The following AQP6 variants were observed in gnomAD, a reference collection of about 807,000 sequenced individuals.
The protein encoded by AQP6 is aquaporin 6.
Under a neutral mutation model 16.3 loss-of-function variants are expected in AQP6, and 14 were observed. The ratio of observed to expected loss-of-function variants is 0.86; its 90% confidence interval spans 0.57 to 1.34. The LOEUF (loss-of-function observed/expected upper bound fraction) is 1.34. AQP6 is among the 40% of genes most tolerant of loss of function. The pLI is 0.00. For synonymous variants in AQP6, 178 were observed against 166.8 expected (o/e 1.07, Z -0.52); for missense variants, 331 against 379.7 (o/e 0.87, Z 1.07).
chr12:49,974,662 G>A lies in AQP6; in HGVS notation c.562-84G>A. The A allele has an allele frequency of 3.3e-6, 5 of 1,537,924 alleles. No homozygotes were observed. The South Asian group carries it at 6.0e-5, about 18-fold the overall frequency. On this transcript the variant is annotated intron_variant, in intron 2 of 3. Transcript: ENST00000315520. ...CTACAGAGGCCGTGGCTGGGGCTAA[G>A]GCTCTGAGCCAGGACTGAGAAATGG...
At position 49,973,335 on chromosome 12, in the gene AQP6, C is replaced by G; in HGVS notation, c.162C>G (p.Ser54=). The G allele has an allele frequency of 6.2e-7, 1 of 1,613,644 alleles. No individual in the cohort carries two copies. The highest frequency in any genetic ancestry group is 8.5e-7 in the Non-Finnish European group (1 of 1,180,024). The change falls in exon 1 of 4, where the codon TCC becomes TCG. Residue 54 remains serine, a synonymous_variant. Coordinates refer to ENST00000315520, the MANE Select transcript of AQP6 (RefSeq NM_001652.4). ...TGCGCTGGCCCACAGCACTTCCCTC[C>G]GTGCTACAGATTGCCATCACCTTCA... is the stretch of plus-strand genomic sequence containing the variant. ...SVMRWPTALP[S]VLQIAITFNL... is the part of the protein sequence containing the mutation.
In AQP6 at chr12:49,973,068, C is replaced by A; in HGVS notation, c.-106C>A. The A allele has an allele frequency of 7.0e-7, 1 of 1,430,650 alleles. No individual in the cohort carries two copies. The highest frequency in any genetic ancestry group is 9.2e-7 in the Non-Finnish European group (1 of 1,088,128). 88.6% of individuals were successfully genotyped at this position (1,430,650 alleles called of 1,614,324 possible). A position where few individuals can be genotyped will look rare whatever the true frequency, so the allele number is the denominator to read the frequency against. On this transcript the variant is annotated 5_prime_UTR_variant, in exon 1 of 4. Coordinates refer to ENST00000315520, the MANE Select transcript of AQP6 (RefSeq NM_001652.4). ...GAGAAGCCTCCACAGAGAGCAAAAG[C>A]CAGGGTCAGCCAGAGACAGGACACC...
rs1260998687 is a variant in AQP6, at chr12:49,974,408, A to G, written c.487A>G (p.Thr163Ala). 6.2e-7 allele frequency: 1 copy of G among 1,613,672 alleles called. No homozygotes were observed. The highest frequency in any genetic ancestry group is 2.2e-5 in the East Asian group (1 of 44,852). ...GCTGGTGCTCTGTGTCTTCGCTTCC[A>G]CCGACAGCCGTCAGACATCAGGCTC... ...LQLVLCVFAS[T>A]DSRQTSGSPA... The change falls in exon 2 of 4, where the codon ACC becomes GCC. Residue 163 changes from threonine to alanine, a missense_variant. Coordinates refer to ENST00000315520, the MANE Select transcript of AQP6 (RefSeq NM_001652.4).
chr12:49,974,530 C>G (rs2137171712), intron 2 of AQP6, 48 bp downstream of exon 2: 2 of 1,547,206 alleles, frequency 1.3e-6, no homozygotes, highest in Non-Finnish European at 1.8e-6. Flanking sequence ...CGGGTCCGTC[C>G]CCGGGGAAAC....
chr12:49,973,350 CA>C lies in AQP6; in HGVS notation c.178del (p.Ile60SerfsTer26), dbSNP rs1565644263. The C allele has an allele frequency of 1.2e-6, 2 of 1,613,506 alleles. No homozygotes were observed. Among genetic ancestry groups the C allele is most frequent in the East Asian group, 4.5e-5 (2 of 44,902 alleles). On this transcript the variant is annotated frameshift_variant, in exon 1 of 4. Transcript: ENST00000315520. LOFTEE classifies it high-confidence loss of function. ...CACTTCCCTCCGTGCTACAGATTGC[CA>C]TCACCTTCAACCTGGTCACCGCCAT... The part of the protein sequence containing the change: ...TALPSVLQIA[I>X]TFNLVTAMAV...
Position 49,973,350 on chromosome 12 carries a change from C to T in AQP6, c.177C>T (p.Ala59=), listed in dbSNP as rs373926524. The change falls in exon 1 of 4, where the codon GCC becomes GCT. Residue 59 remains alanine, a synonymous_variant. Coordinates refer to ENST00000315520, the MANE Select transcript of AQP6 (RefSeq NM_001652.4). ...CACTTCCCTCCGTGCTACAGATTGC[C>T]ATCACCTTCAACCTGGTCACCGCCA... ...PTALPSVLQI[A]ITFNLVTAMA... is the part of the protein sequence containing the mutation. 1.5e-5 allele frequency: 24 copies of T among 1,613,504 alleles called. No individual in the cohort carries two copies. The African/African-American group carries it at 2.8e-4, about 19-fold the overall frequency.
In AQP6 at chr12:49,975,591, A is replaced by ACAGGGG. The variant is rs543718269; in HGVS notation, c.783_788dup (p.Gly262_Ala263dup). 615 of 1,609,764 alleles carry ACAGGGG rather than the reference A, an allele frequency of 3.8e-4. 6 individuals carry two copies. The East Asian group carries it at 0.011, about 28-fold the overall frequency. On this transcript the variant is annotated inframe_insertion, in exon 4 of 4. Transcript: ENST00000315520. This position sits in a 1 kb window ranked among gnomAD's most constrained non-coding sequence, Gnocchi z 4.4. Reference sequence around the variant, plus strand: ...CCTCACAGGCACCGTAGAGGTGGGGACAGGGGCAGGGGCAGGGGCGGAGCC... The same window carrying ACAGGGG: ...CCTCACAGGCACCGTAGAGGTGGGGACAGGGGCAGGGGCAGGGGCAGGGGCGGAGCC...
Position 49,975,416 on chromosome 12 carries a change from C to A in AQP6, c.643-49C>A. 6.5e-7 allele frequency: 1 copy of A among 1,540,956 alleles called. No homozygotes were observed. Reference sequence around the variant, plus strand: ...AGCAGGCAGCGGTCCCAGAGCCACCCTGTGGTCCTGATAGCTCCTGGGTGG... The same window carrying A: ...AGCAGGCAGCGGTCCCAGAGCCACCATGTGGTCCTGATAGCTCCTGGGTGG... On this transcript the variant is annotated intron_variant, in intron 3 of 3. Coordinates refer to ENST00000315520, the MANE Select transcript of AQP6 (RefSeq NM_001652.4). This position sits in a 1 kb window ranked among gnomAD's most constrained non-coding sequence, Gnocchi z 4.4.
chr12:49,973,963 C>A, intron 1 of AQP6: 1 of 1,157,720 alleles, frequency 8.6e-7, no homozygotes, highest in Non-Finnish European at 1.1e-6. Flanking sequence ...AAGTTCTTCC[C>A]TCCACCTCGA....
Position 49,975,180 on chromosome 12 carries a change from A to C in AQP6, c.643-285A>C. On this transcript the variant is annotated intron_variant, in intron 3 of 3. Transcript: ENST00000315520. The surrounding 1 kb of genome is among the most constrained non-coding windows in gnomAD (Gnocchi z 4.4). ...CAGGACTCCTGGCTAAAACGGGGGA[A>C]GTGAGAGGAAAGAGGCGGGGGCGGG... 1.4e-5 allele frequency: 17 copies of C among 1,253,042 alleles called. No homozygotes were observed. Among genetic ancestry groups the C allele is most frequent in the Admixed American group, 3.9e-5 (1 of 25,482 alleles). 77.6% of individuals were successfully genotyped at this position (1,253,042 alleles called of 1,614,324 possible).
rs201467517 is a variant in AQP6 at position 49,973,324 on chromosome 12, G to A, written c.151G>A (p.Ala51Thr). ...GVGSVMRWPT[A>T]LPSVLQIAIT... ...GGGCTCAGTCATGCGCTGGCCCACA[G>A]CACTTCCCTCCGTGCTACAGATTGC... The change falls in exon 1 of 4, where the codon GCA becomes ACA. Residue 51 changes from alanine (A) to threonine (T), a missense_variant. Ala to Thr is a moderately conservative substitution (Grantham distance 58). Coordinates refer to ENST00000315520, the MANE Select transcript of AQP6 (RefSeq NM_001652.4). 1.5e-5 allele frequency: 25 copies of A among 1,613,644 alleles called. No individual in the cohort carries two copies. The highest frequency in any genetic ancestry group is 2.0e-5 in the Non-Finnish European group (24 of 1,180,040).
rs575025578 is a variant in AQP6 at position 49,977,040 on chromosome 12, C to A, written c.*1369C>A. ...CTTCTCCAGCTGTAAAATGGACACACAATCCTCCTCCAGGGACTGCTGTGA... is the reference window on the plus strand; with the variant it reads ...CTTCTCCAGCTGTAAAATGGACACAAAATCCTCCTCCAGGGACTGCTGTGA... On this transcript the variant is annotated 3_prime_UTR_variant, in exon 4 of 4. Coordinates refer to ENST00000315520, the MANE Select transcript of AQP6 (RefSeq NM_001652.4). The A allele has an allele frequency of 5.7e-6, 4 of 702,236 alleles. No individual in the cohort carries two copies. The highest frequency in any genetic ancestry group is 2.7e-5 in the East Asian group (1 of 37,296). 43.5% of individuals were successfully genotyped at this position (702,236 alleles called of 1,614,324 possible). A position where few individuals can be genotyped will look rare whatever the true frequency, so the allele number is the denominator to read the frequency against.
intron 1 of AQP6, chr12:49,974,110 T>C (rs1592827809): frequency 1.6e-6 from 2 of 1,254,536 alleles, no homozygotes; most frequent in Non-Finnish European, 2.0e-6. Context: ...ACCAACCCAC[T>C]GGTGGGGTGG....
At chr12:49,973,670 G>A in intron 1 of AQP6, 95 bp downstream of exon 1, 2 of 1,437,544 alleles carry the variant, frequency 1.4e-6, no homozygotes, top group African/African-American at 1.4e-5. Context: ...GAGCAAAGGA[G>A]GAAACAAGTC....
chr12:49,973,425 C>G lies in AQP6; in HGVS notation c.252C>G (p.Ala84=). 1.2e-6 allele frequency: 2 copies of G among 1,613,284 alleles called. No individual in the cohort carries two copies. Among genetic ancestry groups the G allele is most frequent in the Non-Finnish European group, 1.7e-6 (2 of 1,180,040 alleles). Residue 84 remains alanine, a synonymous_variant, in exon 1 of 4, where the codon GCC becomes GCG. Transcript: ENST00000315520. The part of the protein sequence containing the change: ...WKASGAHANP[A]VTLAFLVGSH... ...CCAGCGGGGCCCACGCCAACCCCGCCGTGACGCTGGCCTTCCTCGTAGGCT... is the reference window on the plus strand; with the variant it reads ...CCAGCGGGGCCCACGCCAACCCCGCGGTGACGCTGGCCTTCCTCGTAGGCT...
rs1362276628 is a variant in AQP6, at chr12:49,974,465, C to T, written c.544C>T (p.Leu182=). ...CACCATGATTGGGATCTCTGTGGCA[C>T]TGGGCCACCTCATTGGGGTAAGGAA... ...PATMIGISVA[L]GHLIGIHFTG... is the part of the protein sequence containing the mutation. The change falls in exon 2 of 4, where the codon CTG becomes TTG. Residue 182 remains leucine (L), a synonymous_variant. Coordinates refer to ENST00000315520, the MANE Select transcript of AQP6 (RefSeq NM_001652.4). The T allele has an allele frequency of 3.7e-6, 6 of 1,610,276 alleles. No homozygotes were observed. Among genetic ancestry groups the T allele is most frequent in the Non-Finnish European group, 3.4e-6 (4 of 1,177,858 alleles).
Position 49,976,836 on chromosome 12 carries a change from G to T in AQP6, c.*1165G>T. 1 of 613,228 alleles carries T rather than the reference G, an allele frequency of 1.6e-6. No individual in the cohort carries two copies. Among genetic ancestry groups the T allele is most frequent in the Non-Finnish European group, 2.9e-6 (1 of 345,288 alleles). The allele number at this position is 613,228 out of a possible 1,614,324, so 38.0% of individuals were successfully genotyped here. A position where few individuals can be genotyped will look rare whatever the true frequency, so the allele number is the denominator to read the frequency against. Reference sequence around the variant, plus strand: ...TCCAGGCTCTCTGTCAGCATTACAGGATCCCCAGAAAGCTGTTGAATAAGC... The same window carrying T: ...TCCAGGCTCTCTGTCAGCATTACAGTATCCCCAGAAAGCTGTTGAATAAGC... On this transcript the variant is annotated 3_prime_UTR_variant, in exon 4 of 4. Transcript: ENST00000315520.
rs769450395 is a variant in AQP6 at position 49,973,351 on chromosome 12, A to G, written c.178A>G (p.Ile60Val). The G allele has an allele frequency of 6.2e-7, 1 of 1,613,596 alleles. No homozygotes were observed. Among genetic ancestry groups the G allele is most frequent in the South Asian group, 1.1e-5 (1 of 91,088 alleles). Residue 60 changes from isoleucine (I) to valine (V), a missense_variant, in exon 1 of 4, where the codon ATC (isoleucine) becomes GTC (valine). Ile to Val is a conservative substitution (Grantham distance 29). Coordinates refer to ENST00000315520, the MANE Select transcript of AQP6 (RefSeq NM_001652.4). ...ACTTCCCTCCGTGCTACAGATTGCC[A>G]TCACCTTCAACCTGGTCACCGCCAT... ...TALPSVLQIA[I>V]TFNLVTAMAV...
In AQP6 at chr12:49,975,549, G is replaced by A. The variant is rs112783768; in HGVS notation, c.727G>A (p.Ala243Thr). 1 of 1,613,880 alleles carries A rather than the reference G, an allele frequency of 6.2e-7. No homozygotes were observed. Among genetic ancestry groups the A allele is most frequent in the Non-Finnish European group, 8.5e-7 (1 of 1,179,910 alleles). The change falls in exon 4 of 4, where the codon GCG becomes ACG. Residue 243 changes from alanine to threonine, a missense_variant. Physicochemically the swap from Ala to Thr is moderately conservative, Grantham distance 58. Transcript: ENST00000315520. The surrounding 1 kb of genome is among the most constrained non-coding windows in gnomAD (Gnocchi z 4.4). Reference sequence around the variant, plus strand: ...CCTGTTCCCCGACACCAAGACCCTGGCGCAGCGGCTGGCTATCCTCACAGG... The same window carrying A: ...CCTGTTCCCCGACACCAAGACCCTGACGCAGCGGCTGGCTATCCTCACAGG... ...FVLFPDTKTLAQRLAILTGTV... is the reference protein window; with the variant it reads ...FVLFPDTKTLTQRLAILTGTV...
Sources: gnomAD v4.1 joint callset for allele counts on GRCh38, gnomAD v4.1.1 for gene constraint, Gnocchi (gnomAD v3.1) non-coding constraint, MANE v1.5 for transcripts, NCBI Gene and HGNC (gene_info 2026-07-23, HGNC 2026-07-21) for gene names.